The following VEZT variants were observed in gnomAD, a reference collection of about 807,000 sequenced individuals.
The protein encoded by VEZT is vezatin, adherens junctions transmembrane protein.
Under a neutral mutation model 79.9 loss-of-function variants are expected in VEZT, and 39 were observed. That is an observed-to-expected ratio of 0.49 (90% CI 0.38 to 0.64). VEZT has a LOEUF of 0.64. VEZT is among the 30% of genes least tolerant of loss of function. VEZT has a pLI of 0.00. For missense variants in VEZT, 837 were observed against 893.1 expected (o/e 0.94, Z 0.80); for synonymous variants, 325 against 327.6 (o/e 0.99, Z 0.09).
At chr12:95,289,372 G>A (rs1209852708) in intron 9 of VEZT, among the ~76,000 whole-genome samples, 2 of 128,594 alleles carry the variant, frequency 1.6e-5, no homozygotes, top group Non-Finnish European at 3.1e-5. Context: ...AGCTGAGATC[G>A]TACCACTGCA....
chr12:95,261,480 C>T (rs755316234), intron 3 of VEZT, among the ~76,000 whole-genome samples: 1 of 152,094 alleles, frequency 6.6e-6, no homozygotes, highest in East Asian at 1.9e-4. Context: ...GGCACAATCT[C>T]GGCTCACTGC....
chr12:95,236,611 C>T (rs186435372), intron 1 of VEZT, among the ~76,000 whole-genome samples: 34 of 149,328 alleles, frequency 2.3e-4, no homozygotes, highest in East Asian at 1.4e-3. Context: ...GTCTCTGTTG[C>T]GCAGGCTGGA....
chr12:95,230,123 A>C (rs1057271706), intron 1 of VEZT, among the ~76,000 whole-genome samples: 5 of 151,486 alleles, frequency 3.3e-5, no homozygotes, highest in East Asian at 1.9e-4. Flanking sequence ...AAAAAAAAAA[A>C]CGAAGTGTAC....
chr12:95,227,196 C>G (rs1218115686), intron 1 of VEZT, among the ~76,000 whole-genome samples: 1 of 152,200 alleles, frequency 6.6e-6, no homozygotes, highest in Admixed American at 6.5e-5. Flanking sequence ...GGGTCTCACT[C>G]TGTCACCAGG....
intron 1 of VEZT, among the ~76,000 whole-genome samples, chr12:95,234,532 T>G (rs1434676570): frequency 6.6e-6 from 1 of 152,018 alleles, no homozygotes; most frequent in African/African-American, 2.4e-5. Flanking sequence ...TAACCCCAGG[T>G]GATTTGCCCG....
At chr12:95,285,248 G>A (rs190149928) in intron 8 of VEZT, among the ~76,000 whole-genome samples, 1 of 152,016 alleles carries the variant, frequency 6.6e-6, no homozygotes, top group Non-Finnish European at 1.5e-5. Flanking sequence ...GCTGAGACCA[G>A]CCTAAGCAAC....
In VEZT at chr12:95,217,837, C is replaced by G; in HGVS notation, c.-14C>G. The G allele has an allele frequency of 6.5e-7, 1 of 1,542,046 alleles. No homozygotes were observed. Among genetic ancestry groups the G allele is most frequent in the Non-Finnish European group, 8.7e-7 (1 of 1,149,656 alleles). ...TTTCCCATCGTGCTGAGGCGGGTGG[C>G]ATGGCGGAGAAGGATGACACCGGAG... On this transcript the variant is annotated 5_prime_UTR_variant, in exon 1 of 12. Transcript: ENST00000436874.
chr12:95,250,319 G>A (rs1010149159), intron 1 of VEZT, among the ~76,000 whole-genome samples: 4 of 44,156 alleles, frequency 9.1e-5, no homozygotes, highest in Non-Finnish European at 2.0e-4. Context: ...TTTTTTTTTT[G>A]TGAGACAAAG....
intron 6 of VEZT, among the ~76,000 whole-genome samples, chr12:95,272,909 G>A (rs2066911683): frequency 6.6e-6 from 1 of 152,032 alleles, no homozygotes; most frequent in Non-Finnish European, 1.5e-5. Flanking sequence ...TACCACACCT[G>A]GCTAATTTTT....
intron 10 of VEZT, 119 bp from the exon 11 acceptor site, chr12:95,295,932 C>T (rs1247875371): frequency 5.5e-6 from 4 of 728,344 alleles, no homozygotes; most frequent in Non-Finnish European, 8.6e-6. Context: ...CTTTAATGAC[C>T]TGTGCCAAAT....
At chr12:95,252,734 G>T (rs1411199460) in intron 2 of VEZT, among the ~76,000 whole-genome samples, 1 of 152,228 alleles carries the variant, frequency 6.6e-6, no homozygotes, top group Admixed American at 6.5e-5. Flanking sequence ...GGAGGCCAAG[G>T]CGAGTGGATC....
chr12:95,299,315 C>A (rs1374611776), intron 11 of VEZT: 1 of 154,540 alleles, frequency 6.5e-6, no homozygotes, highest in Non-Finnish European at 1.5e-5. Flanking sequence ...ATTGTACTAA[C>A]CCCTCATGCT....
intron 1 of VEZT, 119 bp downstream of exon 1, chr12:95,218,005 A>G: frequency 9.7e-7 from 1 of 1,028,256 alleles, no homozygotes. Flanking sequence ...GCTGGCCTCG[A>G]CCACCGAACC....
intron 1 of VEZT, among the ~76,000 whole-genome samples, chr12:95,232,245 C>G (rs959329223): frequency 2.6e-5 from 4 of 152,150 alleles, no homozygotes; most frequent in Admixed American, 2.0e-4. Context: ...CCTTTAGTTG[C>G]AGATACCTTT....
intron 1 of VEZT, among the ~76,000 whole-genome samples, chr12:95,222,906 A>G (rs559680859): frequency 2.6e-5 from 4 of 152,348 alleles, no homozygotes; most frequent in Non-Finnish European, 5.9e-5. Flanking sequence ...TTCAGAGTAT[A>G]GCTAAATTGG....
chr12:95,269,798 C>G (rs1162979694), intron 5 of VEZT: 1 of 315,022 alleles, frequency 3.2e-6, no homozygotes, highest in South Asian at 6.5e-5. Flanking sequence ...TCAGAGGAAG[C>G]CTTTGCTCTT....
At chr12:95,269,935 G>C (rs151055647) in intron 5 of VEZT, 116 bp from the exon 6 acceptor site, 2 of 1,234,034 alleles carry the variant, frequency 1.6e-6, no homozygotes, top group Admixed American at 2.5e-5. Flanking sequence ...TTCTAGTGAA[G>C]ATCATGAAAG....
chr12:95,260,836 T>C (rs2064319402), intron 3 of VEZT, among the ~76,000 whole-genome samples: 1 of 152,070 alleles, frequency 6.6e-6, no homozygotes, highest in Non-Finnish European at 1.5e-5. Flanking sequence ...CTCTGAACAA[T>C]AGTATAAAGT....
At chr12:95,233,235 C>T (rs1246715540) in intron 1 of VEZT, among the ~76,000 whole-genome samples, 1 of 151,726 alleles carries the variant, frequency 6.6e-6, no homozygotes, top group Non-Finnish European at 1.5e-5. Context: ...TGTTTTTCCA[C>T]ACAGATAACA....
Sources: allele counts gnomAD v4.1 joint callset (sites outside exome capture counted in the v4.1 genomes callset), GRCh38; gene constraint gnomAD v4.1.1; transcripts MANE v1.5; gene names NCBI Gene and HGNC (gene_info 2026-07-23, HGNC 2026-07-21).